Variants in CLYBL observed in about 807,000 individuals in gnomAD.
CLYBL encodes the protein citramalyl-CoA lyase, mitochondrial.
Under a neutral mutation model 38.9 loss-of-function variants are expected in CLYBL, and 31 were observed. That is an observed-to-expected ratio of 0.80 (90% confidence interval 0.60 to 1.08). The LOEUF (loss-of-function observed/expected upper bound fraction) is 1.08. CLYBL is among the 50% of genes least tolerant of loss of function. CLYBL has a pLI of 0.00. For synonymous variants in CLYBL, 171 were observed against 158.6 expected (o/e 1.08, Z -0.59); for missense variants, 434 against 411.6 (o/e 1.05, Z -0.47).
chr13:99,833,028 A>ATTTTT (rs1566345781), intron 2 of CLYBL, among the ~76,000 whole-genome samples: 1 of 36,088 alleles, frequency 2.8e-5, no homozygotes, highest in Non-Finnish European at 5.0e-5. Flanking sequence ...ATATATATAT[A>ATTTTT]TATTTTTTTT....
At chr13:99,818,966 T>A (rs946871662) in intron 2 of CLYBL, among the ~76,000 whole-genome samples, 1 of 152,084 alleles carries the variant, frequency 6.6e-6, no homozygotes, top group African/African-American at 2.4e-5. Flanking sequence ...TTTGAGAAAA[T>A]CCAACTTATC....
At chr13:99,612,589 T>C (rs1376865750) in intron 1 of CLYBL, among the ~76,000 whole-genome samples, 1 of 152,072 alleles carries the variant, frequency 6.6e-6, no homozygotes, top group East Asian at 1.9e-4. Context: ...GGTTTCGCCA[T>C]GTTGCCCAGG....
chr13:99,609,749 G>C (rs1353553245), intron 1 of CLYBL, among the ~76,000 whole-genome samples: 1 of 152,104 alleles, frequency 6.6e-6, no homozygotes, highest in Non-Finnish European at 1.5e-5. Flanking sequence ...ATGTTGCTCA[G>C]GCTGGTCTCG....
chr13:99,660,477 T>C (rs957214660), intron 1 of CLYBL, among the ~76,000 whole-genome samples: 1 of 152,210 alleles, frequency 6.6e-6, no homozygotes, highest in African/African-American at 2.4e-5. Context: ...AATCTCTGTA[T>C]TGTGTTCAAT....
intron 7 of CLYBL, among the ~76,000 whole-genome samples, chr13:99,881,091 C>T (rs2052195491): frequency 6.6e-6 from 1 of 152,194 alleles, no homozygotes; most frequent in Non-Finnish European, 1.5e-5. Context: ...GATATTCCCA[C>T]TGTTACATTC....
At chr13:99,890,739 A>G (rs1373305759) in intron 7 of CLYBL, among the ~76,000 whole-genome samples, 1 of 152,090 alleles carries the variant, frequency 6.6e-6, no homozygotes, top group Non-Finnish European at 1.5e-5. Context: ...AAGTGCTGGG[A>G]TTACAGGTGT....
intron 9 of CLYBL, among the ~76,000 whole-genome samples, chr13:99,907,303 C>A (rs2052707124): frequency 1.3e-5 from 2 of 152,100 alleles, no homozygotes; most frequent in Admixed American, 1.3e-4. Context: ...ATACTACCTA[C>A]CTCCTAAGGT....
At chr13:99,833,007 CATATATATAT>C (rs1555314795) in intron 2 of CLYBL, among the ~76,000 whole-genome samples, 1 of 51,574 alleles carries the variant, frequency 1.9e-5, no homozygotes, top group East Asian at 7.7e-4. Context: ...TACATACATA[CATATATATAT>C]ATATATATAT....
intron 2 of CLYBL, among the ~76,000 whole-genome samples, chr13:99,776,592 T>TG (rs2049522843): frequency 6.6e-6 from 1 of 151,918 alleles, no homozygotes; most frequent in Non-Finnish European, 1.5e-5. Flanking sequence ...CCTGTCAAGG[T>TG]CTTTTTGGAT....
At chr13:99,660,021 G>C (rs2047386587) in intron 1 of CLYBL, among the ~76,000 whole-genome samples, 1 of 152,178 alleles carries the variant, frequency 6.6e-6, no homozygotes, top group African/African-American at 2.4e-5. Context: ...ACAGAGAGGA[G>C]ATAGCGATGT....
At chr13:99,817,654 C>CAAAAAA (rs1189248896) in intron 2 of CLYBL, among the ~76,000 whole-genome samples, 8 of 48,952 alleles carry the variant, frequency 1.6e-4, no homozygotes, top group African/African-American at 5.0e-4. Flanking sequence ...GACTCTGTCT[C>CAAAAAA]AAAAAAAAAA....
intron 2 of CLYBL, among the ~76,000 whole-genome samples, chr13:99,840,394 T>TG (rs1295764798): frequency 2.0e-5 from 3 of 151,994 alleles, no homozygotes; most frequent in African/African-American, 7.3e-5. Context: ...GGAGGATCAC[T>TG]GGGGGCCAAG....
intron 1 of CLYBL, among the ~76,000 whole-genome samples, chr13:99,637,961 C>CTTTTTTTTT (rs1566595642): frequency 1.9e-5 from 1 of 53,686 alleles, no homozygotes; most frequent in African/African-American, 8.2e-5. Context: ...GTCAACAGTG[C>CTTTTTTTTT]CTTTTTTTTT....
intron 1 of CLYBL, among the ~76,000 whole-genome samples, chr13:99,608,432 G>T (rs1242522223): frequency 6.6e-6 from 1 of 152,118 alleles, no homozygotes; most frequent in Non-Finnish European, 1.5e-5. Flanking sequence ...ATGTCCTATG[G>T]GAGGACCCAC....
chr13:99,900,966 T>C (rs2052635512), downstream of CLYBL, among the ~76,000 whole-genome samples: 1 of 152,190 alleles, frequency 6.6e-6, no homozygotes, highest in African/African-American at 2.4e-5. Context: ...CCCCGGCCCC[T>C]GTAGGTCCCT....
chr13:99,715,728 T>C (rs2048302573), intron 1 of CLYBL, among the ~76,000 whole-genome samples: 2 of 152,206 alleles, frequency 1.3e-5, no homozygotes, highest in African/African-American at 4.8e-5. Context: ...CAGGAACCTC[T>C]AGTTCCTAAG....
chr13:99,666,421 T>C (rs2047482458), intron 1 of CLYBL, among the ~76,000 whole-genome samples: 1 of 152,088 alleles, frequency 6.6e-6, no homozygotes. Flanking sequence ...TGGGCTCCAA[T>C]GTGATAAGCC....
At chr13:99,680,377 A>G (rs893856969) in intron 1 of CLYBL, among the ~76,000 whole-genome samples, 3 of 152,252 alleles carry the variant, frequency 2.0e-5, no homozygotes, top group Non-Finnish European at 2.9e-5. Flanking sequence ...TACATAACTT[A>G]GCCTGATGAG....
At chr13:99,680,589 C>T (rs995413132) in intron 1 of CLYBL, among the ~76,000 whole-genome samples, 9 of 152,172 alleles carry the variant, frequency 5.9e-5, no homozygotes, top group East Asian at 3.8e-4. Context: ...CATCACTAGT[C>T]GAAAAGCTTG....
Sources: gnomAD v4.1 joint callset for allele counts (sites outside exome capture counted in the v4.1 genomes callset) on GRCh38, gnomAD v4.1.1 for gene constraint, MANE v1.5 for transcripts, NCBI Gene and HGNC (gene_info 2026-07-23, HGNC 2026-07-21) for gene names.